Variants in CDH12 observed in about 807,000 individuals in gnomAD.
CDH12 encodes cadherin 12, also known as cadherin-12.
A neutral mutation model predicts 74.1 loss-of-function variants in CDH12; 41 were observed. The observed-to-expected ratio is 0.55, with a 90% CI of 0.43 to 0.72. The LOEUF is 0.72. Among genes scored for constraint, CDH12 ranks in the 30% least tolerant of loss-of-function variants. CDH12 has a pLI of 0.00. For missense variants in CDH12, 945 were observed against 977.2 expected (o/e 0.97, Z 0.44); for synonymous variants, 399 against 355.0 (o/e 1.12, Z -1.39).
intron 2 of CDH12, among the ~76,000 whole-genome samples, chr5:22,504,075 C>T (rs1736285971): frequency 6.6e-6 from 1 of 151,580 alleles, no homozygotes; most frequent in African/African-American, 2.4e-5. Context: ...AAATTTTCTA[C>T]AAAAAATGCA....
chr5:22,428,908 T>A (rs1744053922), intron 2 of CDH12, among the ~76,000 whole-genome samples: 2 of 152,102 alleles, frequency 1.3e-5, no homozygotes, highest in Admixed American at 1.3e-4. Flanking sequence ...AGTCATATGA[T>A]CCTCAAGGCT....
intron 4 of CDH12, among the ~76,000 whole-genome samples, chr5:22,186,493 CAG>C (rs1238956289): frequency 5.3e-5 from 8 of 152,152 alleles, no homozygotes; most frequent in East Asian, 1.9e-4. Context: ...TTTTTTGAGA[CAG>C]AGTCTCCGTC....
intron 3 of CDH12, among the ~76,000 whole-genome samples, chr5:22,232,468 A>ATAAC (rs1471911237): frequency 6.6e-6 from 1 of 151,974 alleles, no homozygotes; most frequent in African/African-American, 2.4e-5. Flanking sequence ...TTTCTTACTA[A>ATAAC]TAACTGCATA....
At chr5:22,329,727 C>T (rs1483602997) in intron 3 of CDH12, among the ~76,000 whole-genome samples, 2 of 152,198 alleles carry the variant, frequency 1.3e-5, no homozygotes, top group African/African-American at 2.4e-5. Flanking sequence ...TTGTATTGAA[C>T]TCAGCAGTGC....
chr5:22,680,773 A>ATC (rs1321875111), intron 1 of CDH12, among the ~76,000 whole-genome samples: 1 of 151,590 alleles, frequency 6.6e-6, no homozygotes, highest in African/African-American at 2.4e-5. Flanking sequence ...CTTATTCACA[A>ATC]TCTCTCTCTT....
At chr5:22,487,987 T>G (rs1237927923) in intron 2 of CDH12, among the ~76,000 whole-genome samples, 3 of 152,248 alleles carry the variant, frequency 2.0e-5, no homozygotes, top group Non-Finnish European at 4.4e-5. Context: ...AACAACTTAT[T>G]TTGATACCAC....
At chr5:22,424,336 T>C (rs1019482769) in intron 2 of CDH12, among the ~76,000 whole-genome samples, 2 of 152,158 alleles carry the variant, frequency 1.3e-5, no homozygotes, top group Non-Finnish European at 2.9e-5. Flanking sequence ...CGTTTCTTTC[T>C]TGTTGCTTTT....
chr5:22,365,359 T>G (rs1240824310), intron 3 of CDH12, among the ~76,000 whole-genome samples: 2 of 152,202 alleles, frequency 1.3e-5, no homozygotes, highest in Non-Finnish European at 2.9e-5. Context: ...ATAACGCACT[T>G]GGTTTGTAAT....
chr5:22,053,161 G>A (rs1740504397), intron 5 of CDH12, among the ~76,000 whole-genome samples: 4 of 151,298 alleles, frequency 2.6e-5, no homozygotes, highest in East Asian at 1.9e-4. Context: ...TATTTGGCAC[G>A]GTGCCTTATA....
chr5:22,471,413 T>C (rs1235427481), intron 2 of CDH12, among the ~76,000 whole-genome samples: 1 of 152,184 alleles, frequency 6.6e-6, no homozygotes, highest in East Asian at 1.9e-4. Flanking sequence ...GCCTTCCATA[T>C]TCCATTCATC....
chr5:22,465,789 G>T (rs929556282), intron 2 of CDH12, among the ~76,000 whole-genome samples: 1 of 152,156 alleles, frequency 6.6e-6, no homozygotes, highest in Non-Finnish European at 1.5e-5. Flanking sequence ...AAAGTCTGCA[G>T]ATCACAAAGG....
At chr5:22,817,475 G>T (rs181682247) in intron 1 of CDH12, among the ~76,000 whole-genome samples, 14 of 151,848 alleles carry the variant, frequency 9.2e-5, no homozygotes, top group Non-Finnish European at 1.5e-4. Flanking sequence ...AAATATAGAT[G>T]GCAAATAATT....
intron 1 of CDH12, among the ~76,000 whole-genome samples, chr5:22,781,174 AT>A (rs1383425971): frequency 6.6e-6 from 1 of 152,220 alleles, no homozygotes; most frequent in African/African-American, 2.4e-5. Context: ...GTACGATGTT[AT>A]TCAAAGTGCT....
intron 3 of CDH12, among the ~76,000 whole-genome samples, chr5:22,379,400 G>C (rs1416616172): frequency 6.6e-6 from 1 of 152,086 alleles, no homozygotes; most frequent in East Asian, 1.9e-4. Context: ...CACATCACAA[G>C]TACTTAAGTT....
intron 1 of CDH12, among the ~76,000 whole-genome samples, chr5:22,528,962 G>C (rs1310157756): frequency 8.8e-6 from 1 of 113,486 alleles, no homozygotes; most frequent in Non-Finnish European, 1.9e-5. Flanking sequence ...ACTACTCCCA[G>C]TATCAAAATC....
rs946643734 is a variant in CDH12, at chr5:22,564,939, TTTTG to T, written c.-522-59579_-522-59576del. Among the ~76,000 whole-genome samples the T allele has an allele frequency of 2.2e-4, 34 of 152,232 alleles. No individual in the cohort carries two copies. In the South Asian group the frequency reaches 4.6e-3, roughly 20 times the overall value. On this transcript the variant is annotated intron_variant, in intron 1 of 14. Transcript: ENST00000382254. ...TACTGATTACCTTTTTTTCTTTGTT[TTTTG>T]TTTGTTTGTTTTTTGAGACAGTCTC...
At chr5:22,850,847 A>T (rs757141291) in intron 1 of CDH12, among the ~76,000 whole-genome samples, 1 of 152,078 alleles carries the variant, frequency 6.6e-6, no homozygotes, top group Admixed American at 6.6e-5. Flanking sequence ...CCATCACTCT[A>T]TGAATCCTCC....
chr5:22,060,283 A>G (rs565065344), intron 5 of CDH12, among the ~76,000 whole-genome samples: 190 of 150,888 alleles, frequency 1.3e-3, no homozygotes, highest in African/African-American at 4.5e-3. Context: ...ACACATGGGC[A>G]CAGGGAGGGG....
chr5:21,833,820 G>C (rs1248525708), intron 8 of CDH12, among the ~76,000 whole-genome samples: 1 of 151,728 alleles, frequency 6.6e-6, no homozygotes, highest in African/African-American at 2.4e-5. Context: ...CTGGGGATAT[G>C]GGATCCCAAG....
Sources: allele counts gnomAD v4.1 joint callset (sites outside exome capture counted in the v4.1 genomes callset), GRCh38; gene constraint gnomAD v4.1.1; transcripts MANE v1.5; gene names NCBI Gene and HGNC (gene_info 2026-07-23, HGNC 2026-07-21).